Variants in PRKDC observed in about 807,000 individuals in gnomAD.
The protein encoded by PRKDC is protein kinase, DNA-activated, catalytic subunit, also known as DNA-dependent protein kinase catalytic subunit.
Under a neutral mutation model 486.9 loss-of-function variants are expected in PRKDC, and 82 were observed. That is an observed-to-expected ratio of 0.17 (90% CI 0.14 to 0.20). The LOEUF is 0.20. Among genes scored for constraint, PRKDC ranks in the 10% least tolerant of loss-of-function variants. PRKDC has a pLI of 1.00. For synonymous variants in PRKDC, 1,895 were observed against 1,837.0 expected, an observed-to-expected ratio of 1.03 and a Z score of -0.81; for missense variants, 4,504 against 5,038.2, an observed-to-expected ratio of 0.89 and a Z score of 3.21.
At chr8:47,824,959 G>T (rs1268888677) in intron 63 of PRKDC, among the ~76,000 whole-genome samples, 1 of 152,076 alleles carries the variant, frequency 6.6e-6, no homozygotes, top group East Asian at 1.9e-4. Flanking sequence ...AGCCCTACAG[G>T]TTCTCTCCTA....
At chr8:47,915,584 C>A (rs142786191) in intron 22 of PRKDC, among the ~76,000 whole-genome samples, 166 bp from the exon 23 acceptor site, 1 of 152,250 alleles carries the variant, frequency 6.6e-6, no homozygotes, top group Admixed American at 6.5e-5. Flanking sequence ...ATCAAGGACC[C>A]CCAAAGAGCT....
chr8:47,921,241 C>T (rs989624026), intron 21 of PRKDC, among the ~76,000 whole-genome samples: 1 of 150,048 alleles, frequency 6.7e-6, no homozygotes, highest in Non-Finnish European at 1.5e-5. Context: ...GGCGACAGAG[C>T]GAGACTCCAT....
At chr8:47,952,946 C>G (rs2090649749) in intron 7 of PRKDC, among the ~76,000 whole-genome samples, 1 of 152,108 alleles carries the variant, frequency 6.6e-6, no homozygotes, top group South Asian at 2.1e-4. Context: ...TCGAAACCAG[C>G]CTGGCCAACA....
chr8:47,927,033 T>C lies in PRKDC; in HGVS notation c.2419+161A>G, dbSNP rs990951849. The C allele has an allele frequency of 9.2e-5, 67 of 730,094 alleles. No individual in the cohort carries two copies. The African/African-American group carries it at 1.1e-3, about 12-fold the overall frequency. The allele number at this position is 730,094 out of a possible 1,614,324, so 45.2% of individuals were successfully genotyped here. A position where few individuals can be genotyped will look rare whatever the true frequency, so the allele number is the denominator to read the frequency against. On this transcript the variant is annotated intron_variant, in intron 21 of 85. Coordinates refer to ENST00000314191, the MANE Select transcript of PRKDC (RefSeq NM_006904.7). ...CTCAACTATATTTCTTTATCACAAT[T>C]AGAGTCAGATAAATTAGGGAAATTA... is the stretch of plus-strand genomic sequence containing the variant.
chr8:47,877,154 TC>T (rs1336404602), intron 40 of PRKDC, among the ~76,000 whole-genome samples: 3 of 152,156 alleles, frequency 2.0e-5, no homozygotes, highest in African/African-American at 7.2e-5. Flanking sequence ...AGGACAAGTG[TC>T]CAAGTATCTC....
At chr8:47,870,764 G>A (rs1421830098) in intron 40 of PRKDC, among the ~76,000 whole-genome samples, 1 of 152,186 alleles carries the variant, frequency 6.6e-6, no homozygotes, top group African/African-American at 2.4e-5. Flanking sequence ...AAGAGAGACA[G>A]AGATATGTCA....
chr8:47,809,805 G>A lies in PRKDC; in HGVS notation c.9558-2479C>T, dbSNP rs78401582. Among the ~76,000 whole-genome samples the A allele has an allele frequency of 4.1e-3, 620 of 152,252 alleles. 5 individuals carry two copies. Among genetic ancestry groups the A allele is most frequent in the African/African-American group, 0.014 (584 of 41,538 alleles). Reference sequence around the variant, plus strand: ...AAAAGATGGCAGACTGTATGTATGCGCAGGGAAATCAAAACTGGGAAGGTC... The same window carrying A: ...AAAAGATGGCAGACTGTATGTATGCACAGGGAAATCAAAACTGGGAAGGTC... On this transcript the variant is annotated intron_variant, in intron 68 of 85. Coordinates refer to ENST00000314191, the MANE Select transcript of PRKDC (RefSeq NM_006904.7).
At chr8:47,835,273 ATGTTTTTC>A (rs1363604282) in intron 58 of PRKDC, among the ~76,000 whole-genome samples, 2 of 152,190 alleles carry the variant, frequency 1.3e-5, no homozygotes, top group African/African-American at 4.8e-5. Flanking sequence ...TTGCTACACT[ATGTTTTTC>A]TGTACCAAAC....
intron 54 of PRKDC, among the ~76,000 whole-genome samples, chr8:47,843,341 AAAAT>A (rs1468731566): frequency 3.3e-5 from 5 of 152,200 alleles, no homozygotes; most frequent in Non-Finnish European, 7.4e-5. Flanking sequence ...CAGTCAGAAA[AAAAT>A]AAAGAAAAAA....
Position 47,902,657 on chromosome 8 carries a change from T to C in PRKDC, c.3181A>G (p.Lys1061Glu), listed in dbSNP as rs1384400518. ...KSPVNTKSLF[K>E]RLYSLALHPN... The stretch of plus-strand genomic sequence containing the variant: ...TGAAGCGCAAGGCTATAAAGTCGCT[T>C]GAAAAGCGATTTGGTGTTTACTGGA... The change falls in exon 27 of 86, where the codon AAG (lysine) becomes GAG (glutamate). Residue 1061 changes from lysine (K) to glutamate (E), a missense_variant. Lys to Glu is a moderately conservative substitution (Grantham distance 56). Transcript: ENST00000314191. The C allele has an allele frequency of 1.9e-6, 3 of 1,613,834 alleles. No homozygotes were observed. The highest frequency in any genetic ancestry group is 1.3e-5 in the African/African-American group (1 of 75,038).
At chr8:47,873,093 G>T (rs1274400038) in intron 40 of PRKDC, among the ~76,000 whole-genome samples, 1 of 152,020 alleles carries the variant, frequency 6.6e-6, no homozygotes. Context: ...GTGGACAAAG[G>T]ATATAAATTG....
chr8:47,858,489 A>G, intron 48 of PRKDC, 27 bp downstream of exon 48: 1 of 1,435,254 alleles, frequency 7.0e-7, no homozygotes. Context: ...ATCTATTCAA[A>G]GAATAAAGAA....
chr8:47,823,736 T>C lies in PRKDC; in HGVS notation c.8922+122A>G, dbSNP rs899813384. 63 of 1,183,398 alleles carry C rather than the reference T, an allele frequency of 5.3e-5. No homozygotes were observed. In the Admixed American group the frequency reaches 1.1e-3, roughly 22 times the overall value. The allele number at this position is 1,183,398 out of a possible 1,614,324, so 73.3% of individuals were successfully genotyped here. A position where few individuals can be genotyped will look rare whatever the true frequency, so the allele number is the denominator to read the frequency against. On this transcript the variant is annotated intron_variant, in intron 64 of 85. Coordinates refer to ENST00000314191, the MANE Select transcript of PRKDC (RefSeq NM_006904.7). ...AAACCAATTTTCTTCCTCATCAACA[T>C]TGTAACGAAAAGACATTGAACCAAC...
In PRKDC at chr8:47,823,892, C is replaced by T. The variant is rs766782403; in HGVS notation, c.8888G>A (p.Ser2963Asn). The T allele has an allele frequency of 1.2e-6, 2 of 1,613,890 alleles. No individual in the cohort carries two copies. Among genetic ancestry groups the T allele is most frequent in the East Asian group, 2.2e-5 (1 of 44,872 alleles). The change falls in exon 64 of 86, where the codon AGT (serine) becomes AAT (asparagine). Residue 2963 changes from serine (S) to asparagine (N), a missense_variant. Around this residue, in one of 6 missense-constraint regions of PRKDC, gnomAD observed 1,592 missense variants for 1,724.6 expected, o/e 0.92. Coordinates refer to ENST00000314191, the MANE Select transcript of PRKDC (RefSeq NM_006904.7). ...TQSALLAEAR[S>N]DYSEAAKQYD... ...CTGCTTAGCAGCTTCAGAATAATCA[C>T]TTCTGGCTTCTGCTAATAATGCACT...
Position 47,900,407 on chromosome 8 carries a change from A to G in PRKDC, c.3330T>C (p.Ser1110=), listed in dbSNP as rs2089657583. 2 of 1,611,758 alleles carry G rather than the reference A, an allele frequency of 1.2e-6. No individual in the cohort carries two copies. The highest frequency in any genetic ancestry group is 8.5e-7 in the Non-Finnish European group (1 of 1,179,114). Residue 1110 remains serine (S), a synonymous_variant, in exon 28 of 86, where the codon AGT becomes AGC. Transcript: ENST00000314191. ...TCTCATCTGCATGTGCTAAGGCCAG[A>G]CTCTCCATGTATATCACCAAGGCTT... ...VFEALVIYME[S]LALAHADEKS... is the part of the protein sequence containing the mutation.
chr8:47,774,093 GCT>G lies in PRKDC; in HGVS notation c.*78_*79del. On this transcript the variant is annotated 3_prime_UTR_variant, in exon 86 of 86. Transcript: ENST00000314191. ...TCTCTTTAGTGTTTCAGGAAAATCA[GCT>G]CATGGAATGCTGCCAACCAAAGTAT... The G allele has an allele frequency of 7.3e-7, 1 of 1,368,450 alleles. No homozygotes were observed. The allele number at this position is 1,368,450 out of a possible 1,614,324, so 84.8% of individuals were successfully genotyped here.
intron 32 of PRKDC, among the ~76,000 whole-genome samples, chr8:47,889,809 A>G (rs1049693484): frequency 6.6e-6 from 1 of 152,250 alleles, no homozygotes; most frequent in Non-Finnish European, 1.5e-5. Context: ...ATCATTCATC[A>G]TGATGACTGT....
rs2086550676 is a variant in PRKDC at position 47,773,200 on chromosome 8, AAAAC to A, written c.*969_*972del. ...AATACAAGTGTTAGAAGGAAAAAAA[AAAAC>A]AACAAAAAGCTAAAAGCCAATCAGA... On this transcript the variant is annotated 3_prime_UTR_variant, in exon 86 of 86. Coordinates refer to ENST00000314191, the MANE Select transcript of PRKDC (RefSeq NM_006904.7). The A allele has an allele frequency of 1.4e-5, 3 of 220,588 alleles. No homozygotes were observed. In the South Asian group the frequency reaches 5.5e-4, roughly 40 times the overall value. 13.7% of individuals were successfully genotyped at this position (220,588 alleles called of 1,614,324 possible).
intron 54 of PRKDC, among the ~76,000 whole-genome samples, chr8:47,841,381 T>C (rs1363460733): frequency 7.1e-6 from 1 of 140,686 alleles, no homozygotes; most frequent in Non-Finnish European, 1.6e-5. Context: ...CCTGTGGGTC[T>C]GGGGAGAGGC....
Sources: allele counts gnomAD v4.1 joint callset (sites outside exome capture counted in the v4.1 genomes callset), GRCh38; gene constraint gnomAD v4.1.1; regional missense constraint gnomAD v4.1.1; transcripts MANE v1.5; gene names NCBI Gene and HGNC (gene_info 2026-07-23, HGNC 2026-07-21).